Variants in ERBB2 observed in about 807,000 individuals in gnomAD.
The protein encoded by ERBB2 is erb-b2 receptor tyrosine kinase 2.
A neutral mutation model predicts 149.0 loss-of-function variants in ERBB2; 61 were observed. That is an observed-to-expected ratio of 0.41 (90% CI 0.33 to 0.51). ERBB2 has a LOEUF of 0.51. Among genes scored for constraint, ERBB2 ranks in the 20% least tolerant of loss-of-function variants. The probability of loss-of-function intolerance (pLI) is 0.25; values close to 1 mark genes in which losing one functional copy is unlikely to be tolerated. For missense variants in ERBB2, 1,205 were observed against 1,655.1 expected, an observed-to-expected ratio of 0.73 and a Z score of 4.72; for synonymous variants, 633 against 678.8, an observed-to-expected ratio of 0.93 and a Z score of 1.05.
upstream of ERBB2, among the ~76,000 whole-genome samples, chr17:39,694,269 G>GTGTATATATATATATA (rs1567888186): frequency 5.6e-5 from 1 of 17,856 alleles, no homozygotes; most frequent in African/African-American, 1.7e-4. Context: ...ATATATATAT[G>GTGTATATATATATATA]TGTGTATATA....
chr17:39,692,394 AG>A (rs2057732430), upstream of ERBB2, among the ~76,000 whole-genome samples: 1 of 151,918 alleles, frequency 6.6e-6, no homozygotes, highest in African/African-American at 2.4e-5. Flanking sequence ...TCAATAGGGA[AG>A]TAAGGAACAC....
intron 3 of ERBB2, 106 bp from the exon 4 acceptor site, chr17:39,709,212 G>T: frequency 7.6e-7 from 1 of 1,312,812 alleles, no homozygotes; most frequent in South Asian, 1.3e-5. Context: ...GGGAATCTGG[G>T]GGTTGTTTAA....
intron 4 of ERBB2, 52 bp downstream of exon 4, chr17:39,709,504 C>T (rs2145480273): frequency 6.2e-7 from 1 of 1,604,240 alleles, no homozygotes; most frequent in Non-Finnish European, 8.5e-7. Flanking sequence ...CTGACCCCAG[C>T]CGCAAACTCC....
intron 7 of ERBB2, 112 bp from the exon 8 acceptor site, chr17:39,711,816 G>GTA: frequency 7.9e-7 from 1 of 1,272,800 alleles, no homozygotes; most frequent in Non-Finnish European, 1.1e-6. Flanking sequence ...TGCGTGGTAG[G>GTA]GCATTTAAGT....
At chr17:39,719,122 G>C (rs190227388) in intron 15 of ERBB2, among the ~76,000 whole-genome samples, 1 of 152,054 alleles carries the variant, frequency 6.6e-6, no homozygotes, top group Non-Finnish European at 1.5e-5. Context: ...TTAGCCAGGC[G>C]TGGTGGTGGG....
intron 1 of ERBB2, 92 bp from the exon 2 acceptor site, chr17:39,706,898 G>A (rs780300395): frequency 2.1e-5 from 28 of 1,311,132 alleles, no homozygotes; most frequent in Non-Finnish European, 2.6e-5. Context: ...CCTGTCTGAG[G>A]TGGCATGACT....
At chr17:39,708,578 C>A (rs2145450013) in intron 3 of ERBB2, 44 bp downstream of exon 3, 1 of 1,487,964 alleles carries the variant, frequency 6.7e-7, no homozygotes, top group South Asian at 1.1e-5. Context: ...TTATTCAGAG[C>A]TGACCAGGGC....
At chr17:39,702,634 C>T (rs1179495614) in intron 1 of ERBB2, among the ~76,000 whole-genome samples, 2 of 152,106 alleles carry the variant, frequency 1.3e-5, no homozygotes, top group South Asian at 2.1e-4. Flanking sequence ...CGTGGCATTC[C>T]AAAGTCAAAC....
At chr17:39,696,092 A>T (rs2057857197), upstream of ERBB2, among the ~76,000 whole-genome samples, 1 of 150,532 alleles carries the variant, frequency 6.6e-6, no homozygotes. Flanking sequence ...TCCCTCAGAC[A>T]TCCTCTTTCC....
At chr17:39,722,079 C>T (rs890457176) in intron 16 of ERBB2, among the ~76,000 whole-genome samples, 3 of 152,024 alleles carry the variant, frequency 2.0e-5, no homozygotes, top group African/African-American at 7.3e-5. Flanking sequence ...CCACCACACC[C>T]GGCTAATTTT....
intron 9 of ERBB2, among the ~76,000 whole-genome samples, chr17:39,713,847 G>A (rs940900701): frequency 6.6e-6 from 1 of 151,658 alleles, no homozygotes; most frequent in Non-Finnish European, 1.5e-5. Flanking sequence ...CTTGAGCCCA[G>A]GAATTCAAGA....
chr17:39,723,492 G>C lies in ERBB2; in HGVS notation c.2085+35G>C, dbSNP rs917780350. On this transcript the variant is annotated intron_variant, in intron 17 of 26. Coordinates refer to ENST00000269571, the MANE Select transcript of ERBB2 (RefSeq NM_004448.4). The surrounding 1 kb of genome is among the most constrained non-coding windows in gnomAD (Gnocchi z 6.2). ...GGTGAAGTCCTCCCAGCCCGCGTGGGGTCTGCACCGGCCCCCGGCACTGAC... is the reference window on the plus strand; with the variant it reads ...GGTGAAGTCCTCCCAGCCCGCGTGGCGTCTGCACCGGCCCCCGGCACTGAC... 1.2e-6 allele frequency: 2 copies of C among 1,613,694 alleles called. No homozygotes were observed. The highest frequency in any genetic ancestry group is 2.7e-5 in the African/African-American group (2 of 74,928).
In ERBB2 at chr17:39,727,472, A is replaced by G. The variant is rs764220279; in HGVS notation, c.3337A>G (p.Ser1113Gly). 1.3e-5 allele frequency: 21 copies of G among 1,607,804 alleles called. No homozygotes were observed. In the Middle Eastern group the frequency reaches 5.0e-4, roughly 38 times the overall value. The change falls in exon 26 of 27, where the codon AGT (serine) becomes GGT (glycine). Residue 1113 changes from serine (S) to glycine (G), a missense_variant. By Grantham distance (56) the Ser-to-Gly change is moderately conservative. Transcript: ENST00000269571. The surrounding 1 kb of genome is among the most constrained non-coding windows in gnomAD (Gnocchi z 4.3). ...THDPSPLQRYSEDPTVPLPSE... is the reference protein window; with the variant it reads ...THDPSPLQRYGEDPTVPLPSE... ...TGACCCCAGCCCTCTACAGCGGTACAGTGAGGACCCCACAGTACCCCTGCC... is the reference window on the plus strand; with the variant it reads ...TGACCCCAGCCCTCTACAGCGGTACGGTGAGGACCCCACAGTACCCCTGCC...
chr17:39,694,242 T>C (rs1434524896), upstream of ERBB2, among the ~76,000 whole-genome samples: 1 of 21,614 alleles, frequency 4.6e-5, no homozygotes, highest in African/African-American at 1.3e-4. Flanking sequence ...TATATATATA[T>C]ATATATATAT....
In ERBB2 at chr17:39,723,327, C is replaced by G. The variant is rs2059551503; in HGVS notation, c.1955C>G (p.Thr652Arg). 6.2e-7 allele frequency: 1 copy of G among 1,613,748 alleles called. No homozygotes were observed. Among genetic ancestry groups the G allele is most frequent in the African/African-American group, 1.3e-5 (1 of 74,904 alleles). The stretch of plus-strand genomic sequence containing the variant: ...CTGGCTTCCGCCCCCAGCCCTCTGA[C>G]GTCCATCATCTCTGCGGTGGTTGGC... ...CPAEQRASPL[T>R]SIISAVVGIL... The change falls in exon 17 of 27, where the codon ACG becomes AGG. Residue 652 changes from threonine (T) to arginine (R), a missense_variant. Physicochemically the swap from Thr to Arg is moderately conservative, Grantham distance 71 (BLOSUM62 -1). This residue lies in a region of ERBB2 where 569 missense variants were observed against 803.5 expected (regional missense o/e 0.71). Transcript: ENST00000269571. The surrounding 1 kb of genome is among the most constrained non-coding windows in gnomAD (Gnocchi z 6.2).
At chr17:39,689,799 G>A (rs1286975844) in intron 2 of ERBB2, among the ~76,000 whole-genome samples, 4 of 151,944 alleles carry the variant, frequency 2.6e-5, no homozygotes, top group African/African-American at 9.7e-5. Context: ...CAGCTACTCA[G>A]GAGGCTGAGG....
At position 39,708,259 on chromosome 17, in the gene ERBB2, C is replaced by G. The variant is rs539248157; in HGVS notation, c.226-62C>G. On this transcript the variant is annotated intron_variant, in intron 2 of 26. Coordinates refer to ENST00000269571, the MANE Select transcript of ERBB2 (RefSeq NM_004448.4). ...AAGATCTCCAAGTACTGGGGAACCC[C>G]AGGGAGGCCCTGGGGGGTGGCAGTG... The G allele has an allele frequency of 5.8e-6, 8 of 1,389,986 alleles. No individual in the cohort carries two copies. In the South Asian group the frequency reaches 8.7e-5, roughly 15 times the overall value. The allele number at this position is 1,389,986 out of a possible 1,614,324, so 86.1% of individuals were successfully genotyped here.
chr17:39,697,763 A>G (rs1046555984), upstream of ERBB2, among the ~76,000 whole-genome samples: 1 of 151,354 alleles, frequency 6.6e-6, no homozygotes, highest in African/African-American at 2.4e-5. Context: ...GCAAGATCTC[A>G]GCTCACTGCA....
At chr17:39,691,186 T>G, upstream of ERBB2, among the ~76,000 whole-genome samples, 1 of 151,978 alleles carries the variant, frequency 6.6e-6, no homozygotes, top group African/African-American at 2.4e-5. Flanking sequence ...GGGAACAGAG[T>G]GATGAACAAG....
Sources: gnomAD v4.1 joint callset for allele counts (sites outside exome capture counted in the v4.1 genomes callset) on GRCh38, gnomAD v4.1.1 for gene constraint, gnomAD v4.1.1 regional missense constraint, Gnocchi (gnomAD v3.1) non-coding constraint, MANE v1.5 for transcripts, NCBI Gene and HGNC (gene_info 2026-07-23, HGNC 2026-07-21) for gene names.